Variants in NIBAN3 observed in about 807,000 individuals in gnomAD.
NIBAN3 encodes protein Niban 3.
Under a neutral mutation model 76.4 loss-of-function variants are expected in NIBAN3, and 66 were observed. The observed-to-expected ratio is 0.86, with a 90% CI of 0.71 to 1.06. NIBAN3 has a LOEUF of 1.06. Ranked by LOEUF, NIBAN3 falls within the 50% of genes least tolerant of loss-of-function variation. The pLI, the probability that NIBAN3 is intolerant of heterozygous loss-of-function variation, is 0.00. For missense variants in NIBAN3, 808 were observed against 810.7 expected (o/e 1.00, Z 0.04); for synonymous variants, 360 against 355.2 (o/e 1.01, Z -0.15).
intron 5 of NIBAN3, among the ~76,000 whole-genome samples, 195 bp from the exon 6 acceptor site, chr19:17,538,955 G>C (rs951644857): frequency 6.6e-6 from 1 of 152,232 alleles, no homozygotes; most frequent in Non-Finnish European, 1.5e-5. Context: ...GCCAGTAGAG[G>C]GTTCCTTCTA....
chr19:17,532,663 C>G (rs761823132), intron 3 of NIBAN3, among the ~76,000 whole-genome samples: 1 of 152,196 alleles, frequency 6.6e-6, no homozygotes, highest in Non-Finnish European at 1.5e-5. Context: ...GCAAGTCACA[C>G]CTCTGGCCGC....
chr19:17,550,624 C>G (rs2076138776), intron 14 of NIBAN3, among the ~76,000 whole-genome samples: 1 of 151,732 alleles, frequency 6.6e-6, no homozygotes, highest in Admixed American at 6.6e-5. Context: ...TATGATTGCA[C>G]CACTGCCCTC....
At chr19:17,529,603 A>G (rs956179903) in intron 1 of NIBAN3, among the ~76,000 whole-genome samples, 2 of 152,238 alleles carry the variant, frequency 1.3e-5, no homozygotes, top group Non-Finnish European at 2.9e-5. Flanking sequence ...TCACTCACAG[A>G]AAGTTCACTT....
At chr19:17,545,161 ATTTATTTTATTTTAT>A (rs71162150) in intron 12 of NIBAN3, 1,643 of 133,338 alleles carry the variant, frequency 0.012, 12 homozygotes, top group East Asian at 0.025. Context: ...AGACTATTTT[ATTTATTTTATTTTAT>A]TTTATTTTAT....
At position 17,540,380 on chromosome 19, in the gene NIBAN3, T is replaced by A; in HGVS notation, c.980-12T>A. 2 of 1,469,104 alleles carry A rather than the reference T, an allele frequency of 1.4e-6. No homozygotes were observed. Among genetic ancestry groups the A allele is most frequent in the South Asian group, 2.8e-5 (2 of 71,576 alleles). 91.0% of individuals were successfully genotyped at this position (1,469,104 alleles called of 1,614,324 possible). On this transcript the variant is annotated splice_polypyrimidine_tract_variant and intron_variant, in intron 8 of 14. Coordinates refer to ENST00000599164, the MANE Select transcript of NIBAN3 (RefSeq NM_001321827.2). Reference sequence around the variant, plus strand: ...GCGGAGGGGACTCCAGACCAGTGTCTTCCACTCCCAGCGGATATCAGGGGA... The same window carrying A: ...GCGGAGGGGACTCCAGACCAGTGTCATCCACTCCCAGCGGATATCAGGGGA...
chr19:17,541,235 A>G (rs1283450390), intron 9 of NIBAN3, among the ~76,000 whole-genome samples: 1 of 4,586 alleles, frequency 2.2e-4, no homozygotes, highest in South Asian at 2.3e-3. Flanking sequence ...ACATATATAC[A>G]TACATACATA....
intron 12 of NIBAN3, 62 bp from the exon 13 acceptor site, chr19:17,546,624 T>C (rs113166143): frequency 4.3e-6 from 6 of 1,406,904 alleles, no homozygotes; most frequent in East Asian, 2.9e-5. Context: ...CAGAAGCCTG[T>C]GTTGTAGGCC....
upstream of NIBAN3, among the ~76,000 whole-genome samples, chr19:17,524,374 C>A (rs1325152127): frequency 6.6e-6 from 1 of 152,102 alleles, no homozygotes; most frequent in Non-Finnish European, 1.5e-5. Context: ...CAACCTCCGC[C>A]TCCTGGGTTC....
chr19:17,525,308 G>A (rs1027931406), upstream of NIBAN3, among the ~76,000 whole-genome samples: 5 of 151,198 alleles, frequency 3.3e-5, no homozygotes, highest in Non-Finnish European at 5.9e-5. Flanking sequence ...AGTGTAGACT[G>A]CATGCCCTCC....
At position 17,543,563 on chromosome 19, in the gene NIBAN3, A is replaced by G. The variant is rs1419528037; in HGVS notation, c.1486A>G (p.Ile496Val). 8 of 1,614,034 alleles carry G rather than the reference A, an allele frequency of 5.0e-6. No homozygotes were observed. The highest frequency in any genetic ancestry group is 2.7e-5 in the African/African-American group (2 of 74,926). The change falls in exon 12 of 15, where the codon ATC becomes GTC. Residue 496 changes from isoleucine (I) to valine (V), a missense_variant. Coordinates refer to ENST00000599164, the MANE Select transcript of NIBAN3 (RefSeq NM_001321827.2). The part of the protein sequence containing the change: ...SDSGLAQRRF[I>V]RGWGLCIFLP... ...CAGCGGGTTGGCGCAGAGGAGGTTC[A>G]TCCGAGGCTGGGGTCTCTGCATCTT...
At chr19:17,545,160 TATTTA>T (rs2076026923) in intron 12 of NIBAN3, 1 of 134,050 alleles carries the variant, frequency 7.5e-6, no homozygotes. Context: ...GAGACTATTT[TATTTA>T]TTTTATTTTA....
downstream of NIBAN3, among the ~76,000 whole-genome samples, chr19:17,554,297 T>C (rs1006263348): frequency 6.6e-6 from 1 of 151,598 alleles, no homozygotes; most frequent in African/African-American, 2.4e-5. Flanking sequence ...CGGGGCAACA[T>C]AGCGAGACTC....
chr19:17,539,763 G>A lies in NIBAN3; in HGVS notation c.977G>A (p.Arg326Lys), dbSNP rs59757874. 6.5e-7 allele frequency: 1 copy of A among 1,529,962 alleles called. No individual in the cohort carries two copies. The highest frequency in any genetic ancestry group is 8.8e-7 in the Non-Finnish European group (1 of 1,140,408). The allele number at this position is 1,529,962 out of a possible 1,614,324, so 94.8% of individuals were successfully genotyped here. A position where few individuals can be genotyped will look rare whatever the true frequency, so the allele number is the denominator to read the frequency against. The change falls in exon 8 of 15, where the codon AGG becomes AAG. Residue 326 changes from arginine (R) to lysine (K), a missense_variant and splice_region_variant. By Grantham distance (26) the Arg-to-Lys change is conservative (BLOSUM62 2). Transcript: ENST00000599164. ...RQRARVAGRL[R>K]TDIRGPLESC... ...CGGGCGCGTGTGGCGGGGCGGCTGA[G>A]GAGTGAGGCCCTGGGGCGGAGCCTG...
rs140895055 is a variant in NIBAN3 at position 17,530,836 on chromosome 19, G to A, written c.137G>A (p.Arg46Gln). 1.5e-4 allele frequency: 239 copies of A among 1,613,536 alleles called. No individual in the cohort carries two copies. Among genetic ancestry groups the A allele is most frequent in the Non-Finnish European group, 1.9e-4 (222 of 1,179,962 alleles). The change falls in exon 2 of 15, where the codon CGA becomes CAA. Residue 46 changes from arginine (R) to glutamine (Q), a missense_variant. Coordinates refer to ENST00000599164, the MANE Select transcript of NIBAN3 (RefSeq NM_001321827.2). ...LAASVLRQIS[R>Q]ELGPQEPTGS... ...GCGTCTGTCCTGCGGCAGATCTCTC[G>A]AGAGCTGGGCCCTCAGGAGCCGACC...
Position 17,543,353 on chromosome 19 carries a change from G to C in NIBAN3, c.1366G>C (p.Ala456Pro). ...ADAVATFLQL[A>P]DQCLTTALNC... ...CGCCGTGGCCACCTTCCTGCAGCTG[G>C]CTGACCAGTGTCTGACGACGGCCCT... Residue 456 changes from alanine to proline, a missense_variant, in exon 11 of 15, where the codon GCT (alanine) becomes CCT (proline). By Grantham distance (27) the Ala-to-Pro change is conservative. Coordinates refer to ENST00000599164, the MANE Select transcript of NIBAN3 (RefSeq NM_001321827.2). 6.3e-7 allele frequency: 1 copy of C among 1,586,514 alleles called. No individual in the cohort carries two copies. The highest frequency in any genetic ancestry group is 8.6e-7 in the Non-Finnish European group (1 of 1,162,682).
At chr19:17,539,007 T>C in intron 5 of NIBAN3, 143 bp from the exon 6 acceptor site, 1 of 654,496 alleles carries the variant, frequency 1.5e-6, no homozygotes, top group Non-Finnish European at 2.6e-6. Context: ...GTGTTCCCTG[T>C]GGAGGGCATT....
chr19:17,544,474 G>T (rs1278458597), intron 12 of NIBAN3, among the ~76,000 whole-genome samples: 3 of 152,234 alleles, frequency 2.0e-5, no homozygotes, highest in Admixed American at 6.5e-5. Context: ...AGTGGAGGGA[G>T]GAGGTGGATG....
rs530759652 is a variant in NIBAN3 at position 17,537,496 on chromosome 19, A to T, written c.548A>T (p.His183Leu). 1 of 1,612,032 alleles carries T rather than the reference A, an allele frequency of 6.2e-7. No homozygotes were observed. The highest frequency in any genetic ancestry group is 1.3e-5 in the African/African-American group (1 of 75,024). Residue 183 changes from histidine (H) to leucine (L), a missense_variant, in exon 5 of 15, where the codon CAT (histidine) becomes CTT (leucine). Coordinates refer to ENST00000599164, the MANE Select transcript of NIBAN3 (RefSeq NM_001321827.2). ...TCTGCAGCCACCAGGGAGGCACAGC[A>T]TGCCTGGAGGCTGGCCCTGCAGGGT... ...CFSAATREAQ[H>L]AWRLALQGGI...
At chr19:17,526,316 G>GA (rs201138803), upstream of NIBAN3, among the ~76,000 whole-genome samples, 44 of 144,568 alleles carry the variant, frequency 3.0e-4, no homozygotes, top group South Asian at 8.5e-3. Flanking sequence ...CTGTCCCAAA[G>GA]AAAAAAAAAA....
Sources: allele counts gnomAD v4.1 joint callset (sites outside exome capture counted in the v4.1 genomes callset), GRCh38; gene constraint gnomAD v4.1.1; transcripts MANE v1.5; gene names NCBI Gene and HGNC (gene_info 2026-07-23, HGNC 2026-07-21).